The following UGT2B7 variants were observed in gnomAD, a reference collection of about 807,000 sequenced individuals.
The protein encoded by UGT2B7 is UDP-glucuronosyltransferase 2B7.
A neutral mutation model predicts 51.9 loss-of-function variants in UGT2B7; 51 were observed. That is an observed-to-expected ratio of 0.98 (90% confidence interval 0.78 to 1.24). The LOEUF is 1.24. Ranked by LOEUF, UGT2B7 falls within the 50% of genes most tolerant of loss-of-function variation. UGT2B7 has a pLI of 0.00. For missense variants in UGT2B7, 727 were observed against 628.4 expected, an observed-to-expected ratio of 1.16 and a Z score of -1.68; for synonymous variants, 225 against 211.6, an observed-to-expected ratio of 1.06 and a Z score of -0.55.
chr4:69,103,069 C>A, intron 3 of UGT2B7, 131 bp downstream of exon 3: 1 of 1,464,368 alleles, frequency 6.8e-7, no homozygotes, highest in Non-Finnish European at 9.1e-7. Flanking sequence ...CAAGGATAAT[C>A]TTGGAGAAAC....
chr4:69,074,218 G>C (rs1357426859), intron 1 of UGT2B7, among the ~76,000 whole-genome samples: 1 of 151,870 alleles, frequency 6.6e-6, no homozygotes, highest in Non-Finnish European at 1.5e-5. Flanking sequence ...TCATGCACCT[G>C]TGGTCCCAGC....
chr4:69,086,030 C>T (rs931701039), intron 1 of UGT2B7, among the ~76,000 whole-genome samples: 1 of 150,630 alleles, frequency 6.6e-6, no homozygotes, highest in East Asian at 2.0e-4. Context: ...TTATTATATC[C>T]CTTTTCTACT....
chr4:69,099,257 CAAAAAAA>C (rs58121670), intron 2 of UGT2B7, among the ~76,000 whole-genome samples: 21 of 105,720 alleles, frequency 2.0e-4, no homozygotes, highest in Middle Eastern at 5.3e-3. Flanking sequence ...GAGAGACAGA[CAAAAAAA>C]AAAAAAAAAA....
chr4:69,103,235 G>C (rs1342733498), intron 3 of UGT2B7, among the ~76,000 whole-genome samples: 1 of 151,990 alleles, frequency 6.6e-6, no homozygotes, highest in Non-Finnish European at 1.5e-5. Flanking sequence ...ATTTTGAATT[G>C]TGTATGTGAT....
intron 1 of UGT2B7, among the ~76,000 whole-genome samples, chr4:69,052,744 T>C (rs1379429411): frequency 6.9e-6 from 1 of 144,762 alleles, no homozygotes; most frequent in African/African-American, 2.6e-5. Context: ...AAAAAAGTTA[T>C]AAAAATTTAT....
At chr4:69,083,469 C>T (rs1334365950) in intron 1 of UGT2B7, among the ~76,000 whole-genome samples, 1 of 151,930 alleles carries the variant, frequency 6.6e-6, no homozygotes, top group African/African-American at 2.4e-5. Flanking sequence ...TAAATATTAA[C>T]AGGAGTTTGG....
chr4:69,054,517 C>A (rs1320507828), intron 1 of UGT2B7, among the ~76,000 whole-genome samples: 1 of 152,104 alleles, frequency 6.6e-6, no homozygotes, highest in Non-Finnish European at 1.5e-5. Context: ...CCCACATAAC[C>A]ATTGAAGTTT....
intron 2 of UGT2B7, among the ~76,000 whole-genome samples, chr4:69,101,391 T>C: frequency 6.6e-6 from 1 of 152,200 alleles, no homozygotes; most frequent in South Asian, 2.1e-4. Context: ...TAATCTTATA[T>C]TATTTTTATT....
chr4:69,072,218 G>C (rs1401609187), intron 1 of UGT2B7, among the ~76,000 whole-genome samples: 1 of 152,046 alleles, frequency 6.6e-6, no homozygotes, highest in Non-Finnish European at 1.5e-5. Flanking sequence ...GTTTCTTTGA[G>C]ATTGATTCTA....
In UGT2B7 at chr4:69,108,333, C is replaced by A; in HGVS notation, c.1310+11C>A. On this transcript the variant is annotated intron_variant, in intron 5 of 5. Coordinates refer to ENST00000305231, the MANE Select transcript of UGT2B7 (RefSeq NM_001074.4). ...AATTAATGATCCTTCGTGAGTAGAA[C>A]AATATTTTTCACTAGGTGGTATTTA... The A allele has an allele frequency of 6.2e-7, 1 of 1,611,644 alleles. No homozygotes were observed. The highest frequency in any genetic ancestry group is 8.5e-7 in the Non-Finnish European group (1 of 1,178,180).
upstream of UGT2B7, among the ~76,000 whole-genome samples, chr4:69,091,630 G>A (rs952216398): frequency 2.0e-5 from 3 of 152,114 alleles, no homozygotes; most frequent in African/African-American, 4.8e-5. Flanking sequence ...TGAGCAGTGC[G>A]TCTGGGAGCT....
upstream of UGT2B7, among the ~76,000 whole-genome samples, chr4:69,092,908 C>T (rs1280141945): frequency 6.6e-6 from 1 of 150,970 alleles, no homozygotes; most frequent in Non-Finnish European, 1.5e-5. Flanking sequence ...AGTCAGTTAA[C>T]CATTTTTCTT....
chr4:69,112,268 G>A (rs960540304), intron 5 of UGT2B7, among the ~76,000 whole-genome samples, 189 bp from the exon 6 acceptor site: 8 of 152,042 alleles, frequency 5.3e-5, no homozygotes, highest in Non-Finnish European at 7.4e-5. Flanking sequence ...ACCCTCTCAC[G>A]CAGACCCCCT....
intron 4 of UGT2B7, 88 bp downstream of exon 4, chr4:69,107,350 T>C (rs1400222561): frequency 1.4e-6 from 2 of 1,388,558 alleles, no homozygotes; most frequent in South Asian, 1.4e-5. Context: ...TTATTGAATA[T>C]TTGTTAAGGA....
chr4:69,057,213 C>T (rs1308378369), intron 1 of UGT2B7, among the ~76,000 whole-genome samples: 2 of 152,130 alleles, frequency 1.3e-5, no homozygotes, highest in Admixed American at 6.6e-5. Flanking sequence ...TTAAAAGGGA[C>T]AGAAATTGTG....
chr4:69,107,949 C>A (rs4588522), intron 4 of UGT2B7, among the ~76,000 whole-genome samples, 154 bp from the exon 5 acceptor site: 2 of 151,980 alleles, frequency 1.3e-5, no homozygotes, highest in East Asian at 1.9e-4. Context: ...GTTACATACC[C>A]AGTACAAGTA....
chr4:69,056,521 T>G (rs571076255), intron 1 of UGT2B7, among the ~76,000 whole-genome samples: 3 of 152,300 alleles, frequency 2.0e-5, no homozygotes, highest in Admixed American at 6.5e-5. Context: ...GAGGATATAG[T>G]TAAAGACATA....
intron 1 of UGT2B7, among the ~76,000 whole-genome samples, chr4:69,070,551 A>C (rs1297751830): frequency 6.6e-6 from 1 of 151,992 alleles, no homozygotes; most frequent in Non-Finnish European, 1.5e-5. Flanking sequence ...CTCAACTCCA[A>C]CTAAGACAAA....
At position 69,081,590 on chromosome 4, in the gene UGT2B7, T is replaced by A. The variant is rs566501155; in HGVS notation, c.-158-7882T>A. Among the ~76,000 whole-genome samples the A allele has an allele frequency of 1.1e-4, 16 of 152,294 alleles. No homozygotes were observed. The South Asian group carries it at 3.3e-3, about 32-fold the overall frequency. Reference sequence around the variant, plus strand: ...CTTTTATAATCTCTGGTATACAATTTACTCAAAAATTCATACTTGTGGGAA... The same window carrying A: ...CTTTTATAATCTCTGGTATACAATTAACTCAAAAATTCATACTTGTGGGAA... On this transcript the variant is annotated intron_variant, in intron 1 of 5. Coordinates refer to the UGT2B7 transcript ENST00000502942.
Sources: allele counts gnomAD v4.1 joint callset (sites outside exome capture counted in the v4.1 genomes callset), GRCh38; gene constraint gnomAD v4.1.1; transcripts MANE v1.5; gene names NCBI Gene and HGNC (gene_info 2026-07-23, HGNC 2026-07-21).